The following MCM3AP variants were observed in gnomAD, a reference collection of about 807,000 sequenced individuals.
MCM3AP encodes germinal-center associated nuclear protein.
In MCM3AP, 126 loss-of-function variants were observed where a neutral mutation model predicts 184.1. The observed-to-expected ratio is 0.68, with a 90% CI of 0.59 to 0.79. The LOEUF is 0.79. MCM3AP is among the 30% of genes least tolerant of loss of function. The pLI, the probability that MCM3AP is intolerant of heterozygous loss-of-function variation, is 0.00. For synonymous variants in MCM3AP, 1,002 were observed against 979.3 expected, an observed-to-expected ratio of 1.02 and a Z score of -0.43; for missense variants, 2,496 against 2,479.2, an observed-to-expected ratio of 1.01 and a Z score of -0.14.
chr21:46,264,846 C>T (rs1011124061), intron 12 of MCM3AP, among the ~76,000 whole-genome samples: 3 of 152,084 alleles, frequency 2.0e-5, no homozygotes, highest in African/African-American at 4.8e-5. Context: ...ACGCCCATCC[C>T]AGGTCACACC....
At chr21:46,271,438 C>G (rs2081178353) in intron 8 of MCM3AP, among the ~76,000 whole-genome samples, 1 of 151,928 alleles carries the variant, frequency 6.6e-6, no homozygotes, top group South Asian at 2.1e-4. Flanking sequence ...AAGGGATCCT[C>G]CCACCTCAGC....
intron 8 of MCM3AP, among the ~76,000 whole-genome samples, chr21:46,271,271 C>G (rs2081175264): frequency 6.6e-6 from 1 of 151,552 alleles, no homozygotes; most frequent in Admixed American, 6.6e-5. Context: ...AAGCAACCCT[C>G]TCATCTCGGC....
intron 6 of MCM3AP, 95 bp downstream of exon 6, chr21:46,275,091 C>A: frequency 1.5e-6 from 2 of 1,369,786 alleles, no homozygotes; most frequent in South Asian, 1.6e-5. Context: ...ATACCCAACA[C>A]TGTCTAAAAC....
rs1450914659 is a variant in MCM3AP at position 46,285,053 on chromosome 21, G to A, written c.234C>T (p.Thr78=). 3 of 1,614,196 alleles carry A rather than the reference G, an allele frequency of 1.9e-6. No individual in the cohort carries two copies. The highest frequency in any genetic ancestry group is 1.3e-5 in the African/African-American group (1 of 75,060). Residue 78 remains threonine (T), a synonymous_variant, in exon 1 of 28, where the codon ACC becomes ACT. Coordinates refer to ENST00000291688, the MANE Select transcript of MCM3AP (RefSeq NM_003906.5). ...SSVQTLGFTQ[T]SSVGPFSGLE... ...GTCCAGAAAAGGGTCCAACACTTGA[G>A]GTTTGGGTGAACCCTAATGTTTGCA...
intron 22 of MCM3AP, 43 bp from the exon 23 acceptor site, chr21:46,245,240 T>A (rs2080745975): frequency 6.4e-7 from 1 of 1,552,130 alleles, no homozygotes; most frequent in Admixed American, 2.0e-5. Flanking sequence ...TCACACTGTT[T>A]TTCAAAAACA....
intron 12 of MCM3AP, among the ~76,000 whole-genome samples, chr21:46,264,588 G>A (rs1367862287): frequency 6.6e-6 from 1 of 152,148 alleles, no homozygotes; most frequent in African/African-American, 2.4e-5. Context: ...CCATGGAGTC[G>A]ACAGGCTCTA....
At chr21:46,235,463 T>C (rs2080504690) in intron 27 of MCM3AP, 37 bp from the exon 28 acceptor site, 2 of 1,593,970 alleles carry the variant, frequency 1.3e-6, no homozygotes, top group Non-Finnish European at 1.7e-6. Flanking sequence ...AGTTTTGGGA[T>C]GTCAATAAAC....
rs772229682 is a variant in MCM3AP, at chr21:46,246,850, C to T, written c.4327G>A (p.Ala1443Thr). The T allele has an allele frequency of 1.2e-6, 2 of 1,614,050 alleles. No individual in the cohort carries two copies. Among genetic ancestry groups the T allele is most frequent in the African/African-American group, 2.7e-5 (2 of 74,922 alleles). Residue 1443 changes from alanine (A) to threonine (T), a missense_variant, in exon 21 of 28, where the codon GCT becomes ACT. Ala to Thr is a moderately conservative substitution (Grantham distance 58). Coordinates refer to ENST00000291688, the MANE Select transcript of MCM3AP (RefSeq NM_003906.5). ...AGGAGGTCCTTCTGTGTCTCCACAG[C>T]ATCAATGGCACCATCACTGAGGGCG... ...HGALSDGAID[A>T]VETQKDLLGA...
intron 5 of MCM3AP, among the ~76,000 whole-genome samples, chr21:46,276,129 G>A (rs978135806): frequency 1.3e-5 from 2 of 152,042 alleles, no homozygotes; most frequent in Admixed American, 6.6e-5. Flanking sequence ...GCGCATGGCT[G>A]TAGTCCCAGC....
Position 46,266,114 on chromosome 21 carries a change from T to G in MCM3AP, c.2842A>C (p.Thr948Pro). The change falls in exon 11 of 28, where the codon ACC (threonine) becomes CCC (proline). Residue 948 changes from threonine to proline, a missense_variant. Physicochemically the swap from Thr to Pro is conservative, Grantham distance 38. Around this residue, in one of 5 missense-constraint regions of MCM3AP, gnomAD observed 138 missense variants for 191.9 expected, o/e 0.72. Transcript: ENST00000291688. ...CTAGTAATAAACACCGACTTCCTGGTCTTGGATAATCCCTCTGGTTCCAGG... is the reference window on the plus strand; with the variant it reads ...CTAGTAATAAACACCGACTTCCTGGGCTTGGATAATCCCTCTGGTTCCAGG... ...AFLEPEGLSKTRKSVFITRKL... is the reference protein window; with the variant it reads ...AFLEPEGLSKPRKSVFITRKL... The G allele has an allele frequency of 6.2e-7, 1 of 1,612,124 alleles. No homozygotes were observed. The highest frequency in any genetic ancestry group is 8.5e-7 in the Non-Finnish European group (1 of 1,179,210).
chr21:46,260,156 T>TA (rs1228610847), intron 15 of MCM3AP, among the ~76,000 whole-genome samples: 10 of 126,180 alleles, frequency 7.9e-5, no homozygotes, highest in African/African-American at 2.7e-4. Flanking sequence ...CTTTAATACT[T>TA]AAACTACAGA....
chr21:46,272,915 C>G, intron 7 of MCM3AP, 86 bp from the exon 8 acceptor site: 1 of 1,309,344 alleles, frequency 7.6e-7, no homozygotes, highest in Non-Finnish European at 1.0e-6. Context: ...ACCTCAATTT[C>G]TCACTTTTCA....
At chr21:46,264,046 G>A (rs1601523199) in intron 13 of MCM3AP, 71 bp downstream of exon 13, 2 of 1,061,374 alleles carry the variant, frequency 1.9e-6, no homozygotes, top group Non-Finnish European at 2.8e-6. Context: ...CTTTATGAGA[G>A]GAAACTTCTG....
chr21:46,283,892 G>A lies in MCM3AP; in HGVS notation c.1220-54C>T, dbSNP rs1601551671. 1.6e-5 allele frequency: 25 copies of A among 1,559,004 alleles called. 1 individual carries two copies. The East Asian group carries it at 5.6e-4, about 35-fold the overall frequency. ...CCATCAGATGTTTCCAACAACAGGA[G>A]GCACCAACTGTGTCGAAGCAGAGGA... On this transcript the variant is annotated intron_variant, in intron 1 of 27. Transcript: ENST00000291688.
intron 18 of MCM3AP, 103 bp downstream of exon 18, chr21:46,254,673 T>A: frequency 7.0e-7 from 1 of 1,419,986 alleles, no homozygotes. Context: ...CTGGAGCTCA[T>A]CGAAGAGACC....
rs2081403570 is a variant in MCM3AP at position 46,285,491 on chromosome 21, A to G, written c.-205T>C. 5 of 567,476 alleles carry G rather than the reference A, an allele frequency of 8.8e-6. No individual in the cohort carries two copies. The South Asian group carries it at 1.1e-4, about 13-fold the overall frequency. 35.2% of individuals were successfully genotyped at this position (567,476 alleles called of 1,614,324 possible). ...GTCATACTAAAAGGATAACTATTTC[A>G]AAGGCAGGCAAAGGGTTATTATTTT... On this transcript the variant is annotated 5_prime_UTR_variant, in exon 1 of 28. Transcript: ENST00000291688.
chr21:46,283,133 G>A (rs2081354318), intron 2 of MCM3AP, among the ~76,000 whole-genome samples: 1 of 152,070 alleles, frequency 6.6e-6, no homozygotes, highest in African/African-American at 2.4e-5. Context: ...CACCGTGTTA[G>A]CCAGGATGGT....
intron 12 of MCM3AP, 42 bp downstream of exon 12, chr21:46,265,279 T>C (rs757716402): frequency 8.8e-6 from 14 of 1,589,104 alleles, no homozygotes; most frequent in Middle Eastern, 1.7e-4. Context: ...TTGCGCACAA[T>C]GGGCTTCCCA....
rs1203722331 is a variant in MCM3AP at position 46,240,769 on chromosome 21, A to C, written c.5633+42T>G. ...TAACCAGTCTCCCCTCACAGCATAA[A>C]GCAGACTAAACACACATGAATTAGA... is the stretch of plus-strand genomic sequence containing the variant. On this transcript the variant is annotated intron_variant, in intron 26 of 27. Coordinates refer to ENST00000291688, the MANE Select transcript of MCM3AP (RefSeq NM_003906.5). The C allele has an allele frequency of 1.9e-6, 3 of 1,565,146 alleles. No individual in the cohort carries two copies. The African/African-American group carries it at 4.1e-5, about 21-fold the overall frequency.
Sources: gnomAD v4.1 joint callset for allele counts (sites outside exome capture counted in the v4.1 genomes callset) on GRCh38, gnomAD v4.1.1 for gene constraint, gnomAD v4.1.1 regional missense constraint, MANE v1.5 for transcripts, NCBI Gene and HGNC (gene_info 2026-07-23, HGNC 2026-07-21) for gene names.